OXSR1: variants seen among roughly 807,000 people sequenced by gnomAD.
OXSR1 encodes the protein serine/threonine-protein kinase OSR1.
A neutral mutation model predicts 79.8 loss-of-function variants in OXSR1; 24 were observed. That is an observed-to-expected ratio of 0.30 (90% CI 0.22 to 0.42). OXSR1 has a LOEUF of 0.42. OXSR1 is among the 10% of genes least tolerant of loss of function. The pLI is 1.00. For missense variants in OXSR1, 430 were observed against 618.4 expected (o/e 0.70, Z 3.23); for synonymous variants, 226 against 209.2 (o/e 1.08, Z -0.69).
chr3:38,218,143 G>A (rs1480912842), intron 5 of OXSR1, among the ~76,000 whole-genome samples: 1 of 151,992 alleles, frequency 6.6e-6, no homozygotes, highest in Non-Finnish European at 1.5e-5. Flanking sequence ...AAGTAGAATT[G>A]CTGGATCGTA....
intron 3 of OXSR1, among the ~76,000 whole-genome samples, chr3:38,196,500 G>A (rs967841619): frequency 6.6e-6 from 1 of 152,166 alleles, no homozygotes; most frequent in Non-Finnish European, 1.5e-5. Context: ...TATCTTGTTG[G>A]GAGGAGTTTG....
At chr3:38,217,883 T>C (rs1702515577) in intron 5 of OXSR1, among the ~76,000 whole-genome samples, 1 of 152,226 alleles carries the variant, frequency 6.6e-6, no homozygotes. Context: ...TGTCCTTTTG[T>C]GATTGACTTT....
chr3:38,233,916 GAA>G (rs796729709), intron 10 of OXSR1, among the ~76,000 whole-genome samples: 2 of 132,502 alleles, frequency 1.5e-5, no homozygotes, highest in African/African-American at 2.8e-5. Flanking sequence ...TGTCTCAAAA[GAA>G]AAAAAAAAAA....
chr3:38,238,010 A>T (rs988995446), intron 11 of OXSR1, among the ~76,000 whole-genome samples: 3 of 152,136 alleles, frequency 2.0e-5, no homozygotes, highest in Non-Finnish European at 4.4e-5. Context: ...TCTGACTAAC[A>T]AATATTTGGA....
chr3:38,219,471 A>G (rs555059562), intron 5 of OXSR1, among the ~76,000 whole-genome samples: 2 of 152,282 alleles, frequency 1.3e-5, no homozygotes, highest in South Asian at 4.1e-4. Context: ...CCTAGTACTT[A>G]TTGAGTGTTT....
At chr3:38,247,086 C>G (rs1009251954) in intron 13 of OXSR1, among the ~76,000 whole-genome samples, 1 of 151,706 alleles carries the variant, frequency 6.6e-6, no homozygotes, top group African/African-American at 2.4e-5. Context: ...CTCAAGCTTT[C>G]CATTTCTGCT....
At chr3:38,246,778 AG>A (rs1320777984) in intron 13 of OXSR1, among the ~76,000 whole-genome samples, 1 of 152,184 alleles carries the variant, frequency 6.6e-6, no homozygotes, top group African/African-American at 2.4e-5. Context: ...AAGGCCCCGT[AG>A]TGGGCTGCTA....
intron 1 of OXSR1, among the ~76,000 whole-genome samples, chr3:38,173,411 G>A (rs1269266968): frequency 1.3e-5 from 2 of 152,180 alleles, no homozygotes; most frequent in Admixed American, 6.5e-5. Flanking sequence ...AACTCAGGTA[G>A]TTCTTATTTC....
intron 4 of OXSR1, among the ~76,000 whole-genome samples, chr3:38,207,641 CTTACAACAGAA>C (rs915666404): frequency 6.6e-6 from 1 of 152,112 alleles, no homozygotes; most frequent in Non-Finnish European, 1.5e-5. Flanking sequence ...CAGGAAGCCC[CTTACAACAGAA>C]TTACCCAGCC....
chr3:38,201,698 A>G (rs987048022), intron 4 of OXSR1, among the ~76,000 whole-genome samples: 2 of 145,216 alleles, frequency 1.4e-5, no homozygotes, highest in African/African-American at 5.5e-5. Context: ...CGACAGAGCG[A>G]GAGTGTCTCA....
At position 38,201,707 on chromosome 3, in the gene OXSR1, CA is replaced by C. The variant is rs112015179; in HGVS notation, c.434+2854del. Among the ~76,000 whole-genome samples, 5 of 147,066 alleles carry C rather than the reference CA, an allele frequency of 3.4e-5. No individual in the cohort carries two copies. In the East Asian group the frequency reaches 7.9e-4, roughly 23 times the overall value. ...CTTAGGCGACAGAGCGAGAGTGTCT[CA>C]AAAAAAAAATCCAGATATGGTGGTG... is the stretch of plus-strand genomic sequence containing the variant. On this transcript the variant is annotated intron_variant, in intron 4 of 17. Coordinates refer to ENST00000311806, the MANE Select transcript of OXSR1 (RefSeq NM_005109.3).
At chr3:38,244,666 T>TGTGTGCGCGCGC (rs748851263) in intron 12 of OXSR1, among the ~76,000 whole-genome samples, 1 of 143,956 alleles carries the variant, frequency 6.9e-6, no homozygotes, top group Non-Finnish European at 1.5e-5. Context: ...TGTGTGTGTG[T>TGTGTGCGCGCGC]GCGTGCGCAT....
chr3:38,208,817 G>A (rs1702319915), intron 4 of OXSR1, among the ~76,000 whole-genome samples: 1 of 152,206 alleles, frequency 6.6e-6, no homozygotes, highest in South Asian at 2.1e-4. Context: ...CAGGAGAATG[G>A]CCTGAACGTG....
chr3:38,254,762 C>T lies in OXSR1; in HGVS notation c.*1871C>T, dbSNP rs1414262111. 2 of 149,252 alleles carry T rather than the reference C, an allele frequency of 1.3e-5. No individual in the cohort carries two copies. Among genetic ancestry groups the T allele is most frequent in the African/African-American group, 2.5e-5 (1 of 40,382 alleles). The allele number at this position is 149,252 out of a possible 1,614,324, so 9.2% of individuals were successfully genotyped here. On this transcript the variant is annotated 3_prime_UTR_variant, in exon 18 of 18. Transcript: ENST00000311806. ...CATCAAAATCTACTTATTTATGAAT[C>T]CAAGGGGTGGCAGCATCACTCTGTT... is the stretch of plus-strand genomic sequence containing the variant.
intron 12 of OXSR1, among the ~76,000 whole-genome samples, chr3:38,243,462 A>G (rs956501970): frequency 3.3e-5 from 5 of 152,188 alleles, no homozygotes; most frequent in Non-Finnish European, 7.3e-5. Flanking sequence ...CTGTGTCAGT[A>G]TGATAGGAAA....
chr3:38,210,597 A>C (rs1702365992), intron 4 of OXSR1, among the ~76,000 whole-genome samples: 1 of 152,034 alleles, frequency 6.6e-6, no homozygotes, highest in African/African-American at 2.4e-5. Context: ...TTTAACTCTC[A>C]AGCTGTTCCA....
intron 14 of OXSR1, among the ~76,000 whole-genome samples, chr3:38,248,096 G>C (rs952366039): frequency 6.6e-6 from 1 of 152,138 alleles, no homozygotes; most frequent in African/African-American, 2.4e-5. Flanking sequence ...TAATTGTGAC[G>C]AGGTAAACTC....
At position 38,166,624 on chromosome 3, in the gene OXSR1, C is replaced by G. The variant is rs111368537; in HGVS notation, c.70+678C>G. Among the ~76,000 whole-genome samples, 1,086 of 152,056 alleles carry G rather than the reference C, an allele frequency of 7.1e-3. 18 individuals carry two copies. Among genetic ancestry groups the G allele is most frequent in the African/African-American group, 0.025 (1,041 of 41,476 alleles). ...TGGCCAATATGGTGAAACCCCGTCT[C>G]TACTAAAAATACAAAAATTAGTTGG... On this transcript the variant is annotated intron_variant, in intron 1 of 17. Transcript: ENST00000311806.
At chr3:38,188,355 T>C (rs1183159696) in intron 2 of OXSR1, among the ~76,000 whole-genome samples, 1 of 152,212 alleles carries the variant, frequency 6.6e-6, no homozygotes, top group Non-Finnish European at 1.5e-5. Flanking sequence ...GTCACTAACT[T>C]TTTTAACCTT....
Sources: gnomAD v4.1 joint callset for allele counts (sites outside exome capture counted in the v4.1 genomes callset) on GRCh38, gnomAD v4.1.1 for gene constraint, MANE v1.5 for transcripts, NCBI Gene and HGNC (gene_info 2026-07-23, HGNC 2026-07-21) for gene names.